Variants in GRIA2 observed in about 807,000 individuals in gnomAD.
GRIA2 encodes glutamate receptor 2.
GRIA2 carries 14 observed loss-of-function variants against 97.3 expected under a neutral mutation model. The ratio of observed to expected loss-of-function variants is 0.14; its 90% CI spans 0.10 to 0.23. The LOEUF (loss-of-function observed/expected upper bound fraction) is 0.23, where lower values mean the gene tolerates loss of function less well. Ranked by LOEUF, GRIA2 falls within the 10% of genes least tolerant of loss-of-function variation. The pLI, the probability that GRIA2 is intolerant of heterozygous loss-of-function variation, is 1.00. For missense variants in GRIA2, 558 were observed against 1,069.8 expected, an observed-to-expected ratio of 0.52 and a Z score of 6.67; for synonymous variants, 412 against 387.8, an observed-to-expected ratio of 1.06 and a Z score of -0.73.
At chr4:157,290,146 C>A (rs1176593774) in intron 2 of GRIA2, among the ~76,000 whole-genome samples, 1 of 151,742 alleles carries the variant, frequency 6.6e-6, no homozygotes, top group Non-Finnish European at 1.5e-5. Context: ...TGTCCTTTTT[C>A]CCAAAGCATT....
intron 2 of GRIA2, among the ~76,000 whole-genome samples, chr4:157,283,132 G>C (rs987301485): frequency 2.0e-5 from 3 of 151,778 alleles, no homozygotes; most frequent in African/African-American, 7.3e-5. Flanking sequence ...ATATGTAAAA[G>C]CTTTTCCATA....
chr4:157,335,948 T>C (rs1177079701), intron 10 of GRIA2, 71 bp downstream of exon 10: 4 of 959,234 alleles, frequency 4.2e-6, no homozygotes, highest in Non-Finnish European at 6.6e-6. Context: ...TTCCTCTCCC[T>C]GTGAAGTATC....
At chr4:157,297,472 A>T (rs1268779716) in intron 2 of GRIA2, among the ~76,000 whole-genome samples, 2 of 152,164 alleles carry the variant, frequency 1.3e-5, no homozygotes, top group East Asian at 1.9e-4. Flanking sequence ...TTTTCAGCTT[A>T]TGTTTACTTT....
chr4:157,277,162 C>A (rs544192695), intron 2 of GRIA2, among the ~76,000 whole-genome samples: 3 of 151,792 alleles, frequency 2.0e-5, no homozygotes, highest in Non-Finnish European at 3.0e-5. Flanking sequence ...CAAATGAAAC[C>A]CAATAATGTA....
rs1733869492 is a variant in GRIA2 at position 157,306,889 on chromosome 4, G to T, written c.469+3098G>T. ...TCCTTGCTTTAGTGTCACATGATTTGAAGAATGCACCTGTGTTCCCTTTGT... is the reference window on the plus strand; with the variant it reads ...TCCTTGCTTTAGTGTCACATGATTTTAAGAATGCACCTGTGTTCCCTTTGT... On this transcript the variant is annotated intron_variant, in intron 3 of 15. Coordinates refer to ENST00000264426, the MANE Select transcript of GRIA2 (RefSeq NM_001083619.3). Among the ~76,000 whole-genome samples the T allele has an allele frequency of 2.6e-5, 4 of 152,132 alleles. 1 individual carries two copies. In the South Asian group the frequency reaches 8.3e-4, roughly 31 times the overall value.
rs939118066 is a variant in GRIA2 at position 157,363,677 on chromosome 4, A to G, written c.*246A>G. On this transcript the variant is annotated 3_prime_UTR_variant, in exon 16 of 16. Transcript: ENST00000264426. Reference sequence around the variant, plus strand: ...GTCAAAGTGGTGAGAGGCATCCAGTATCTTGAAGACTTTTCTTTCAGCCAA... The same window carrying G: ...GTCAAAGTGGTGAGAGGCATCCAGTGTCTTGAAGACTTTTCTTTCAGCCAA... 2.7e-6 allele frequency: 2 copies of G among 741,904 alleles called. No individual in the cohort carries two copies. The highest frequency in any genetic ancestry group is 3.7e-6 in the Non-Finnish European group (2 of 538,778). 46.0% of individuals were successfully genotyped at this position (741,904 alleles called of 1,614,324 possible).
intron 3 of GRIA2, 146 bp from the exon 4 acceptor site, chr4:157,312,533 T>C (rs1734125418): frequency 6.0e-6 from 3 of 502,604 alleles, no homozygotes; most frequent in Non-Finnish European, 1.0e-5. Flanking sequence ...ATAAAGATCA[T>C]AGCTATAGCT....
At chr4:157,230,836 T>A (rs1347386949) in intron 2 of GRIA2, among the ~76,000 whole-genome samples, 3 of 151,814 alleles carry the variant, frequency 2.0e-5, no homozygotes, top group Non-Finnish European at 2.9e-5. Context: ...TGGTTTTGAT[T>A]TTTTTTCCTT....
intron 2 of GRIA2, among the ~76,000 whole-genome samples, chr4:157,274,059 G>A (rs1357379809): frequency 6.6e-6 from 1 of 152,036 alleles, no homozygotes; most frequent in East Asian, 1.9e-4. Flanking sequence ...AGAGGAGAGT[G>A]GAGTAAAATA....
At chr4:157,356,586 C>T (rs1736389090) in intron 12 of GRIA2, among the ~76,000 whole-genome samples, 1 of 151,898 alleles carries the variant, frequency 6.6e-6, no homozygotes, top group Non-Finnish European at 1.5e-5. Flanking sequence ...TGAGGCAATT[C>T]GATTTGTCTT....
intron 2 of GRIA2, among the ~76,000 whole-genome samples, chr4:157,253,773 A>C (rs1731118893): frequency 6.6e-6 from 1 of 152,078 alleles, no homozygotes; most frequent in African/African-American, 2.4e-5. Flanking sequence ...AGATAATTTC[A>C]CTGGGAATTT....
At chr4:157,258,346 A>G (rs1231857183) in intron 2 of GRIA2, among the ~76,000 whole-genome samples, 1 of 152,050 alleles carries the variant, frequency 6.6e-6, no homozygotes, top group Non-Finnish European at 1.5e-5. Flanking sequence ...GGAGGTCTCT[A>G]AAACGGCCAC....
At chr4:157,354,001 T>G (rs1736136958) in intron 12 of GRIA2, among the ~76,000 whole-genome samples, 1 of 152,094 alleles carries the variant, frequency 6.6e-6, no homozygotes, top group African/African-American at 2.4e-5. Flanking sequence ...ATGTCATGAT[T>G]ACCTCATGCA....
At chr4:157,239,080 T>G (rs923090068) in intron 2 of GRIA2, among the ~76,000 whole-genome samples, 1 of 152,106 alleles carries the variant, frequency 6.6e-6, no homozygotes, top group Non-Finnish European at 1.5e-5. Flanking sequence ...ACTAGAGAGT[T>G]GCACATCTAG....
In GRIA2 at chr4:157,363,490, C is replaced by G. The variant is rs1736731574; in HGVS notation, c.*59C>G. 1 of 1,239,592 alleles carries G rather than the reference C, an allele frequency of 8.1e-7. No individual in the cohort carries two copies. Among genetic ancestry groups the G allele is most frequent in the South Asian group, 4.0e-5 (1 of 25,246 alleles). The allele number at this position is 1,239,592 out of a possible 1,614,324, so 76.8% of individuals were successfully genotyped here. A position where few individuals can be genotyped will look rare whatever the true frequency, so the allele number is the denominator to read the frequency against. ...GCAAGGCTGTCAATTACAGGAAGTA[C>G]TGGAGAAAATGGACGTGTTATGACT... On this transcript the variant is annotated 3_prime_UTR_variant, in exon 16 of 16. Coordinates refer to ENST00000264426, the MANE Select transcript of GRIA2 (RefSeq NM_001083619.3).
At chr4:157,240,930 G>T (rs1039493775) in intron 2 of GRIA2, among the ~76,000 whole-genome samples, 1 of 150,746 alleles carries the variant, frequency 6.6e-6, no homozygotes, top group African/African-American at 2.4e-5. Context: ...TCATTGTTCA[G>T]TTCCCACCTA....
chr4:157,269,540 A>T (rs545279009), intron 2 of GRIA2, among the ~76,000 whole-genome samples: 6 of 152,192 alleles, frequency 3.9e-5, no homozygotes, highest in South Asian at 4.1e-4. Context: ...GTAATAGCAG[A>T]GTTCTAGACT....
intron 6 of GRIA2, among the ~76,000 whole-genome samples, chr4:157,326,769 A>T (rs1734820789): frequency 6.6e-6 from 1 of 152,184 alleles, no homozygotes; most frequent in African/African-American, 2.4e-5. Context: ...ATACTTTAGA[A>T]CTGTGTATGA....
At chr4:157,289,357 A>C (rs969091984) in intron 2 of GRIA2, among the ~76,000 whole-genome samples, 1 of 151,890 alleles carries the variant, frequency 6.6e-6, no homozygotes, top group Admixed American at 6.6e-5. Flanking sequence ...CAAATGTTAC[A>C]TTTATGAAAT....
Sources: gnomAD v4.1 joint callset for allele counts (sites outside exome capture counted in the v4.1 genomes callset) on GRCh38, gnomAD v4.1.1 for gene constraint, MANE v1.5 for transcripts, NCBI Gene and HGNC (gene_info 2026-07-23, HGNC 2026-07-21) for gene names.